The following EQTN variants were observed in gnomAD, a reference collection of about 807,000 sequenced individuals.
The protein encoded by EQTN is Acrosome formation associated factor.
EQTN carries 29 observed loss-of-function variants against 26.9 expected under a neutral mutation model. The ratio of observed to expected loss-of-function variants is 1.08; its 90% CI spans 0.80 to 1.47. The LOEUF (loss-of-function observed/expected upper bound fraction) is 1.47. Ranked by LOEUF, EQTN falls within the 40% of genes most tolerant of loss-of-function variation. The pLI is 0.00. For synonymous variants in EQTN, 129 were observed against 120.0 expected, an observed-to-expected ratio of 1.07 and a Z score of -0.49; for missense variants, 391 against 346.1, an observed-to-expected ratio of 1.13 and a Z score of -1.03.
intron 5 of EQTN, among the ~76,000 whole-genome samples, chr9:27,290,261 C>T (rs564878904): frequency 1.3e-5 from 2 of 152,220 alleles, no homozygotes; most frequent in African/African-American, 4.8e-5. Context: ...GCAAAAATGA[C>T]ACTTATTTAC....
rs145917023 is a variant in EQTN at position 27,296,408 on chromosome 9, T to G, written c.202+205A>C. On this transcript the variant is annotated intron_variant, in intron 2 of 7. Coordinates refer to ENST00000380032, the MANE Select transcript of EQTN (RefSeq NM_020641.3). ...TTTTACCGTAAAAAGGATTAATATA[T>G]TCTACATAAAAAGAGCCCTTAAAAA... Among the ~76,000 whole-genome samples, 779 of 152,256 alleles carry G rather than the reference T, an allele frequency of 5.1e-3. 5 individuals carry two copies. Among genetic ancestry groups the G allele is most frequent in the African/African-American group, 0.018 (744 of 41,550 alleles).
intron 3 of EQTN, 54 bp from the exon 4 acceptor site, chr9:27,292,541 G>A: frequency 9.8e-7 from 1 of 1,023,460 alleles, no homozygotes; most frequent in Non-Finnish European, 1.5e-6. Flanking sequence ...CGAAACATCT[G>A]AGAATAGATA....
At chr9:27,291,160 C>T in intron 4 of EQTN, 97 bp from the exon 5 acceptor site, 1 of 1,156,134 alleles carries the variant, frequency 8.6e-7, no homozygotes, top group African/African-American at 1.6e-5. Context: ...AGTCATTTAG[C>T]AGTTAAACTT....
At chr9:27,289,082 G>A (rs1443776987) in intron 6 of EQTN, among the ~76,000 whole-genome samples, 2 of 152,080 alleles carry the variant, frequency 1.3e-5, no homozygotes, top group East Asian at 3.8e-4. Context: ...AAGACATAGG[G>A]GAAACTGAGG....
At chr9:27,289,474 G>A (rs760060171) in intron 6 of EQTN, among the ~76,000 whole-genome samples, 198 bp downstream of exon 6, 41 of 152,184 alleles carry the variant, frequency 2.7e-4, no homozygotes, top group South Asian at 6.2e-4. Flanking sequence ...TCACTCTGTC[G>A]CTCAGGCTGG....
chr9:27,292,327 A>C, intron 4 of EQTN, 74 bp downstream of exon 4: 1 of 927,822 alleles, frequency 1.1e-6, no homozygotes, highest in Non-Finnish European at 1.7e-6. Flanking sequence ...TAATGCTCAG[A>C]GTAGTGAAAC....
At chr9:27,295,342 T>C (rs1393801262) in intron 2 of EQTN, among the ~76,000 whole-genome samples, 1 of 152,216 alleles carries the variant, frequency 6.6e-6, no homozygotes, top group African/African-American at 2.4e-5. Context: ...CACTGGTATC[T>C]TTCTAGGGAC....
At chr9:27,296,776 G>A (rs752590635) in intron 1 of EQTN, 38 bp from the exon 2 acceptor site, 1 of 1,584,360 alleles carries the variant, frequency 6.3e-7, no homozygotes, top group Non-Finnish European at 8.5e-7. Flanking sequence ...TCAGAAATAT[G>A]TTGATTTCTT....
At chr9:27,291,917 G>A (rs1184294993) in intron 4 of EQTN, among the ~76,000 whole-genome samples, 2 of 151,996 alleles carry the variant, frequency 1.3e-5, no homozygotes, top group African/African-American at 2.4e-5. Context: ...ATTTTATAAG[G>A]AACAATATTC....
chr9:27,296,986 T>C lies in EQTN; in HGVS notation c.70A>G (p.Ile24Val), dbSNP rs1820358384. 1.9e-6 allele frequency: 3 copies of C among 1,612,308 alleles called. No homozygotes were observed. Among genetic ancestry groups the C allele is most frequent in the Non-Finnish European group, 2.5e-6 (3 of 1,179,240 alleles). ...GTTTTAAATGCTCTCTCACCTTCAATAGTAGGCTTCAAAGTGCTACTTTTT... is the reference window on the plus strand; with the variant it reads ...GTTTTAAATGCTCTCTCACCTTCAACAGTAGGCTTCAAAGTGCTACTTTTT... ...SLKSSTLKPT[I>V]EALPNVLPLN... The change falls in exon 1 of 8, where the codon ATT (isoleucine) becomes GTT (valine). Residue 24 changes from isoleucine (I) to valine (V), a missense_variant. Ile to Val is a conservative substitution (Grantham distance 29). Coordinates refer to ENST00000380032, the MANE Select transcript of EQTN (RefSeq NM_020641.3).
Position 27,286,310 on chromosome 9 carries a change from C to T in EQTN, c.534G>A (p.Leu178=). The change falls in exon 7 of 8, where the codon CTG becomes CTA. Residue 178 remains leucine (L), a synonymous_variant. Coordinates refer to ENST00000380032, the MANE Select transcript of EQTN (RefSeq NM_020641.3). ...QGENQPDLED[L]KIKIMLGISL... ...AGATTCCCAGCATTATTTTGATCTTCAGATCCTCTAGATCTGGCTGATTTT... is the reference window on the plus strand; with the variant it reads ...AGATTCCCAGCATTATTTTGATCTTTAGATCCTCTAGATCTGGCTGATTTT... 6.2e-7 allele frequency: 1 copy of T among 1,608,870 alleles called. No individual in the cohort carries two copies. Among genetic ancestry groups the T allele is most frequent in the South Asian group, 1.1e-5 (1 of 89,718 alleles).
Position 27,294,305 on chromosome 9 carries a change from T to C in EQTN, c.289+11A>G. ...GCTTTTACATGTGCAATGGTGCCTT[T>C]CACTTCTTACCGTTTTTTAGAGCAA... On this transcript the variant is annotated intron_variant, in intron 3 of 7. Coordinates refer to ENST00000380032, the MANE Select transcript of EQTN (RefSeq NM_020641.3). 6.2e-7 allele frequency: 1 copy of C among 1,600,632 alleles called. No homozygotes were observed. Among genetic ancestry groups the C allele is most frequent in the Non-Finnish European group, 8.5e-7 (1 of 1,169,688 alleles).
Position 27,294,364 on chromosome 9 carries a change from C to T in EQTN, c.241G>A (p.Glu81Lys). 1 of 1,610,752 alleles carries T rather than the reference C, an allele frequency of 6.2e-7. No individual in the cohort carries two copies. Among genetic ancestry groups the T allele is most frequent in the Non-Finnish European group, 8.5e-7 (1 of 1,177,924 alleles). ...TTQNPNGTES[E>K]ISVRATTDLN... ...TCAGTTGTGGCTCTCACAGATATTT[C>T]AGACTCAGTGCCATTTGGATTTTGT... Residue 81 changes from glutamate to lysine, a missense_variant, in exon 3 of 8, where the codon GAA becomes AAA. Physicochemically the swap from Glu to Lys is moderately conservative, Grantham distance 56. Transcript: ENST00000380032.
chr9:27,294,391 T>C lies in EQTN; in HGVS notation c.214A>G (p.Thr72Ala). The part of the protein sequence containing the change: ...YKDIKQYVFT[T>A]QNPNGTESEI... The stretch of plus-strand genomic sequence containing the variant: ...GACTCAGTGCCATTTGGATTTTGTG[T>C]TGTGAACACATCTAAAAACAAAAGC... Residue 72 changes from threonine to alanine, a missense_variant, in exon 3 of 8, where the codon ACA becomes GCA. Thr to Ala is a moderately conservative substitution (Grantham distance 58, BLOSUM62 0). Transcript: ENST00000380032. 6.3e-7 allele frequency: 1 copy of C among 1,597,680 alleles called. No individual in the cohort carries two copies. The highest frequency in any genetic ancestry group is 8.5e-7 in the Non-Finnish European group (1 of 1,169,608).
intron 3 of EQTN, among the ~76,000 whole-genome samples, chr9:27,293,418 T>C (rs1563832819): frequency 6.6e-6 from 1 of 152,198 alleles, no homozygotes; most frequent in African/African-American, 2.4e-5. Context: ...GTCAAAGTTA[T>C]CCGCAGATCT....
rs200745543 is a variant in EQTN, at chr9:27,284,708, G to A, written c.*15C>T. 494 of 1,602,398 alleles carry A rather than the reference G, an allele frequency of 3.1e-4. 1 individual carries two copies. Among genetic ancestry groups the A allele is most frequent in the Non-Finnish European group, 3.9e-4 (462 of 1,174,582 alleles). The stretch of plus-strand genomic sequence containing the variant: ...ATTCATCAATAAGATTTCTTCACCG[G>A]GTTCCTTGATTTCTTCACCGGGTAA... On this transcript the variant is annotated 3_prime_UTR_variant, in exon 8 of 8. Transcript: ENST00000380032.
rs1255963050 is a variant in EQTN, at chr9:27,284,757, T to G, written c.851A>C (p.Glu284Ala). 4.3e-6 allele frequency: 7 copies of G among 1,614,002 alleles called. No individual in the cohort carries two copies. The highest frequency in any genetic ancestry group is 5.9e-6 in the Non-Finnish European group (7 of 1,180,008). Residue 284 changes from glutamate to alanine, a missense_variant, in exon 8 of 8, where the codon GAG becomes GCG. By Grantham distance (107) the Glu-to-Ala change is moderately radical (BLOSUM62 -1). Coordinates refer to ENST00000380032, the MANE Select transcript of EQTN (RefSeq NM_020641.3). Reference sequence around the variant, plus strand: ...AACCGACTCATCGTTTTCATGCATCTCATTATCTGAGCCTATGGAAATGAT... The same window carrying G: ...AACCGACTCATCGTTTTCATGCATCGCATTATCTGAGCCTATGGAAATGAT... ...TDIISIGSDN[E>A]MHENDESVTR
At chr9:27,290,196 A>C (rs1268781342) in intron 5 of EQTN, among the ~76,000 whole-genome samples, 1 of 152,198 alleles carries the variant, frequency 6.6e-6, no homozygotes, top group Non-Finnish European at 1.5e-5. Flanking sequence ...TTTAAACAGC[A>C]AAATCATCAA....
intron 7 of EQTN, among the ~76,000 whole-genome samples, 161 bp from the exon 8 acceptor site, chr9:27,285,133 CTTTTTTTTTTT>C (rs201723057): frequency 2.3e-4 from 18 of 77,078 alleles, no homozygotes; most frequent in African/African-American, 5.7e-4. Flanking sequence ...TTTTCTTTTC[CTTTTTTTTTTT>C]TTTTTTTTTT....
Sources: allele counts gnomAD v4.1 joint callset (sites outside exome capture counted in the v4.1 genomes callset), GRCh38; gene constraint gnomAD v4.1.1; transcripts MANE v1.5; gene names NCBI Gene and HGNC (gene_info 2026-07-23, HGNC 2026-07-21).